Variants in KLHL1 observed in about 807,000 individuals in gnomAD.
KLHL1 encodes the protein kelch-like protein 1.
A neutral mutation model predicts 77.7 loss-of-function variants in KLHL1; 47 were observed. That is an observed-to-expected ratio of 0.60 (90% CI 0.48 to 0.77). The LOEUF (loss-of-function observed/expected upper bound fraction) is 0.77. KLHL1 is among the 30% of genes least tolerant of loss of function. The probability of loss-of-function intolerance (pLI) is 0.00; values close to 1 mark genes in which losing one functional copy is unlikely to be tolerated. For missense variants in KLHL1, 925 were observed against 910.8 expected (o/e 1.02, Z -0.20); for synonymous variants, 360 against 325.2 (o/e 1.11, Z -1.15).
At chr13:69,978,295 T>C (rs904630982) in intron 1 of KLHL1, among the ~76,000 whole-genome samples, 1 of 151,550 alleles carries the variant, frequency 6.6e-6, no homozygotes, top group East Asian at 2.0e-4. Flanking sequence ...GGACCAAAAC[T>C]GCTCCAAAAG....
At chr13:70,104,947 T>C (rs1034686254) in intron 1 of KLHL1, among the ~76,000 whole-genome samples, 2 of 152,050 alleles carry the variant, frequency 1.3e-5, no homozygotes, top group Non-Finnish European at 2.9e-5. Context: ...CTGATAATGA[T>C]TAATTGCTAG....
chr13:70,023,667 T>C (rs981258864), intron 1 of KLHL1, among the ~76,000 whole-genome samples: 2 of 151,940 alleles, frequency 1.3e-5, no homozygotes, highest in Non-Finnish European at 2.9e-5. Context: ...GTTTTGTCCC[T>C]GGTTGACTTT....
chr13:69,971,208 A>G (rs1884371853), intron 2 of KLHL1, among the ~76,000 whole-genome samples: 1 of 151,974 alleles, frequency 6.6e-6, no homozygotes, highest in African/African-American at 2.4e-5. Context: ...AGAAATTAAG[A>G]ATTTTCTGTT....
chr13:70,079,807 T>C (rs1021433405), intron 1 of KLHL1, among the ~76,000 whole-genome samples: 11 of 152,248 alleles, frequency 7.2e-5, no homozygotes, highest in African/African-American at 2.4e-4. Context: ...TATATATCTC[T>C]AGGTGTTAGA....
intron 5 of KLHL1, among the ~76,000 whole-genome samples, chr13:69,848,461 T>C (rs1879558575): frequency 6.6e-6 from 1 of 151,606 alleles, no homozygotes; most frequent in African/African-American, 2.4e-5. Flanking sequence ...AAAAATAATT[T>C]TGGCAAAGAA....
chr13:69,786,458 C>G (rs138837483), intron 7 of KLHL1, among the ~76,000 whole-genome samples: 182 of 152,206 alleles, frequency 1.2e-3, no homozygotes, highest in Non-Finnish European at 1.5e-3. Context: ...ATTCAACAAC[C>G]CTTCATGCTA....
At chr13:69,808,466 G>A (rs1651581194) in intron 6 of KLHL1, among the ~76,000 whole-genome samples, 1 of 152,006 alleles carries the variant, frequency 6.6e-6, no homozygotes, top group African/African-American at 2.4e-5. Flanking sequence ...CAGAGGCCTG[G>A]CACTCTGAAA....
At chr13:69,811,778 T>G (rs1428697991) in intron 6 of KLHL1, among the ~76,000 whole-genome samples, 1 of 152,200 alleles carries the variant, frequency 6.6e-6, no homozygotes, top group Non-Finnish European at 1.5e-5. Context: ...TTGAGTCTAT[T>G]TGATTCTTCT....
At chr13:69,789,119 A>G (rs78044551) in intron 7 of KLHL1, among the ~76,000 whole-genome samples, 42 of 144,928 alleles carry the variant, frequency 2.9e-4, no homozygotes, top group African/African-American at 1.0e-3. Context: ...TAAAATCTGT[A>G]TCTATCCTCT....
intron 1 of KLHL1, among the ~76,000 whole-genome samples, chr13:70,006,715 G>A (rs1309648270): frequency 2.6e-5 from 4 of 151,752 alleles, no homozygotes; most frequent in Non-Finnish European, 5.9e-5. Context: ...TAGGGAGAAA[G>A]ATCCCAAAGG....
intron 10 of KLHL1, among the ~76,000 whole-genome samples, chr13:69,705,443 T>C (rs1450442025): frequency 6.6e-6 from 1 of 151,730 alleles, no homozygotes; most frequent in Non-Finnish European, 1.5e-5. Context: ...TTAATATAGT[T>C]TGCTTATTTA....
At position 69,786,313 on chromosome 13, in the gene KLHL1, C is replaced by G. The variant is rs992282826; in HGVS notation, c.1639+10425G>C. On this transcript the variant is annotated intron_variant, in intron 7 of 10. Transcript: ENST00000377844. Reference sequence around the variant, plus strand: ...ACATCAAAAGCTTATCCACCATGATCAAGTGGGCTTCATCCCTGGGATGCA... The same window carrying G: ...ACATCAAAAGCTTATCCACCATGATGAAGTGGGCTTCATCCCTGGGATGCA... Among the ~76,000 whole-genome samples the G allele has an allele frequency of 4.6e-5, 7 of 152,278 alleles. No homozygotes were observed. The East Asian group carries it at 1.4e-3, about 29-fold the overall frequency.
At chr13:69,918,969 C>T (rs911665402) in intron 4 of KLHL1, among the ~76,000 whole-genome samples, 1 of 151,918 alleles carries the variant, frequency 6.6e-6, no homozygotes, top group Admixed American at 6.6e-5. Flanking sequence ...ATACCAAACT[C>T]TTCATAATTC....
At chr13:69,736,699 T>C (rs1873779918) in intron 8 of KLHL1, among the ~76,000 whole-genome samples, 1 of 151,746 alleles carries the variant, frequency 6.6e-6, no homozygotes, top group Non-Finnish European at 1.5e-5. Flanking sequence ...TGTATATATA[T>C]ATACACACAC....
At chr13:70,023,562 C>T (rs1455042436) in intron 1 of KLHL1, among the ~76,000 whole-genome samples, 4 of 151,864 alleles carry the variant, frequency 2.6e-5, no homozygotes. Flanking sequence ...ATCTAGGAAC[C>T]AGCAAGTTCA....
At chr13:70,097,616 CA>C (rs1887824546) in intron 1 of KLHL1, among the ~76,000 whole-genome samples, 1 of 151,904 alleles carries the variant, frequency 6.6e-6, no homozygotes, top group Admixed American at 6.6e-5. Context: ...GAGTTTTATT[CA>C]GAGTATAAGC....
intron 9 of KLHL1, among the ~76,000 whole-genome samples, chr13:69,717,818 A>T (rs1436324100): frequency 6.6e-6 from 1 of 152,128 alleles, no homozygotes; most frequent in African/African-American, 2.4e-5. Flanking sequence ...AAACCTATTT[A>T]TTAGGACTCT....
chr13:69,894,928 C>T, intron 4 of KLHL1: 1 of 443,830 alleles, frequency 2.3e-6, no homozygotes, highest in Non-Finnish European at 4.4e-6. Context: ...AACCAAGCAG[C>T]TTGGTTCCAG....
Position 69,719,542 on chromosome 13 carries a change from C to A in KLHL1, c.1842G>T (p.Leu614Phe). The A allele has an allele frequency of 6.2e-7, 1 of 1,613,192 alleles. No individual in the cohort carries two copies. The highest frequency in any genetic ancestry group is 1.1e-5 in the South Asian group (1 of 91,054). The change falls in exon 9 of 11, where the codon TTG becomes TTT. Residue 614 changes from leucine (L) to phenylalanine (F), a missense_variant. Physicochemically the swap from Leu to Phe is conservative, Grantham distance 22. Transcript: ENST00000377844. ...SVGGRDGSSC[L>F]SSMEYYDPHT... ...GAGGATCATAATATTCCATTGAACT[C>A]AAACAGGAACTTCCATCACGACCTC... is the stretch of plus-strand genomic sequence containing the variant.
Sources: gnomAD v4.1 joint callset for allele counts (sites outside exome capture counted in the v4.1 genomes callset) on GRCh38, gnomAD v4.1.1 for gene constraint, MANE v1.5 for transcripts, NCBI Gene and HGNC (gene_info 2026-07-23, HGNC 2026-07-21) for gene names.